The following CHRM5 variants were observed in gnomAD, a reference collection of about 807,000 sequenced individuals.
CHRM5 encodes cholinergic receptor muscarinic 5.
In CHRM5, 18 loss-of-function variants were observed where a neutral mutation model predicts 39.0. The observed-to-expected ratio is 0.46, with a 90% CI of 0.32 to 0.68. CHRM5 has a LOEUF of 0.68. CHRM5 is among the 30% of genes least tolerant of loss of function. The pLI is 0.04. For missense variants in CHRM5, 515 were observed against 651.1 expected, an observed-to-expected ratio of 0.79 and a Z score of 2.28; for synonymous variants, 241 against 246.3, an observed-to-expected ratio of 0.98 and a Z score of 0.20.
chr15:34,063,617 C>T lies in CHRM5; in HGVS notation c.900C>T (p.Leu300=). The T allele has an allele frequency of 6.2e-7, 1 of 1,614,038 alleles. No individual in the cohort carries two copies. The highest frequency in any genetic ancestry group is 1.1e-5 in the South Asian group (1 of 91,084). Residue 300 remains leucine (L), a synonymous_variant, in exon 3 of 3, where the codon CTC becomes CTT. Coordinates refer to ENST00000383263, the MANE Select transcript of CHRM5 (RefSeq NM_012125.4). The surrounding 1 kb of genome is among the most constrained non-coding windows in gnomAD (Gnocchi z 4.1). ...CCAATTGGGCCAAAGCTGAGCAGCT[C>T]ACCACCTGTAGCAGCTACCCTTCCT... is the stretch of plus-strand genomic sequence containing the variant. ...PSANWAKAEQ[L]TTCSSYPSSE... is the part of the protein sequence containing the mutation.
chr15:34,021,840 C>T (rs5016373), intron 1 of CHRM5, among the ~76,000 whole-genome samples: 72,397 of 151,702 alleles, frequency 0.48, 20,659 homozygotes, highest in Non-Finnish European at 0.64. Flanking sequence ...GGGTGGACAG[C>T]GCAAGACTCC....
intron 1 of CHRM5, among the ~76,000 whole-genome samples, chr15:34,008,439 G>A (rs1220101692): frequency 1.4e-5 from 2 of 141,908 alleles, no homozygotes; most frequent in Non-Finnish European, 3.0e-5. Context: ...AAAAAAAAAA[G>A]AAGAAAAATA....
chr15:34,037,334 A>T (rs1027289644), intron 1 of CHRM5, among the ~76,000 whole-genome samples: 1 of 152,012 alleles, frequency 6.6e-6, no homozygotes, highest in African/African-American at 2.4e-5. Context: ...ATAAAGTGGT[A>T]ACTGGTTCAC....
intron 1 of CHRM5, among the ~76,000 whole-genome samples, chr15:34,041,785 T>C (rs1899485145): frequency 6.6e-6 from 1 of 152,174 alleles, no homozygotes; most frequent in Non-Finnish European, 1.5e-5. Context: ...ATTTTACAGA[T>C]AAGAAAACTG....
chr15:33,980,562 A>G (rs1896092125), intron 1 of CHRM5, among the ~76,000 whole-genome samples: 2 of 152,112 alleles, frequency 1.3e-5, no homozygotes, highest in African/African-American at 4.8e-5. Flanking sequence ...ATCCTGGGAG[A>G]TCAGGCAAAA....
chr15:34,049,951 A>C (rs1424092179), intron 2 of CHRM5, among the ~76,000 whole-genome samples: 1 of 150,658 alleles, frequency 6.6e-6, no homozygotes, highest in Admixed American at 6.6e-5. Context: ...GCAGTGGCAC[A>C]ATCTCAGCTC....
intron 1 of CHRM5, among the ~76,000 whole-genome samples, chr15:34,037,178 G>T (rs1406466229): frequency 6.6e-6 from 1 of 151,290 alleles, no homozygotes; most frequent in Non-Finnish European, 1.5e-5. Context: ...CAAAACAGAA[G>T]CACCTTCACT....
chr15:34,059,781 G>A (rs1238177514), intron 2 of CHRM5, among the ~76,000 whole-genome samples: 1 of 152,186 alleles, frequency 6.6e-6, no homozygotes, highest in African/African-American at 2.4e-5. Flanking sequence ...TCCTCAGGAA[G>A]TGCTTCCCAT....
Position 33,969,052 on chromosome 15 carries a change from T to C in CHRM5, c.-506T>C, listed in dbSNP as rs542122269. The C allele has an allele frequency of 6.6e-6, 1 of 152,028 alleles. No homozygotes were observed. Among genetic ancestry groups the C allele is most frequent in the South Asian group, 2.1e-4 (1 of 4,818 alleles). The allele number at this position is 152,028 out of a possible 1,614,324, so 9.4% of individuals were successfully genotyped here. A position where few individuals can be genotyped will look rare whatever the true frequency, so the allele number is the denominator to read the frequency against. ...TGCAAGAAATAAAACACTGGCAAAATAAAACATGAAAGGAAAGTAGAGAAG... is the reference window on the plus strand; with the variant it reads ...TGCAAGAAATAAAACACTGGCAAAACAAAACATGAAAGGAAAGTAGAGAAG... On this transcript the variant is annotated 5_prime_UTR_variant, in exon 1 of 3. It removes the in-frame stop codon of an upstream open reading frame in the 5' UTR. Transcript: ENST00000383263.
intron 1 of CHRM5, chr15:33,991,045 A>G (rs1373263765): frequency 6.6e-6 from 1 of 152,242 alleles, no homozygotes; most frequent in African/African-American, 2.4e-5. Flanking sequence ...ATCCATTCAT[A>G]TGAAAGGCTT....
intron 1 of CHRM5, among the ~76,000 whole-genome samples, chr15:34,000,705 C>G (rs1597333511): frequency 6.6e-6 from 1 of 152,016 alleles, no homozygotes; most frequent in African/African-American, 2.4e-5. Flanking sequence ...AATATAGCAC[C>G]AAAACACTGA....
At chr15:34,025,611 A>C (rs1251453678) in intron 1 of CHRM5, among the ~76,000 whole-genome samples, 1 of 152,230 alleles carries the variant, frequency 6.6e-6, no homozygotes. Flanking sequence ...TGATTTTGAT[A>C]ATTGTGCAAT....
chr15:34,038,990 C>T, intron 1 of CHRM5: 1 of 1,116,390 alleles, frequency 9.0e-7, no homozygotes, highest in Non-Finnish European at 1.1e-6. Flanking sequence ...CTCCGCCAGG[C>T]CGGCCGCGGC....
chr15:34,010,900 T>C (rs1471672509), intron 1 of CHRM5, among the ~76,000 whole-genome samples: 1 of 152,240 alleles, frequency 6.6e-6, no homozygotes, highest in Non-Finnish European at 1.5e-5. Context: ...ATTTTTATCT[T>C]ATATAATCAT....
intron 1 of CHRM5, among the ~76,000 whole-genome samples, chr15:34,028,601 T>C (rs1217356052): frequency 6.6e-6 from 1 of 152,114 alleles, no homozygotes; most frequent in Non-Finnish European, 1.5e-5. Flanking sequence ...AAGAAGACCC[T>C]GAATGAGAGA....
intron 1 of CHRM5, among the ~76,000 whole-genome samples, chr15:33,976,851 G>A (rs1455637387): frequency 6.6e-6 from 1 of 152,032 alleles, no homozygotes; most frequent in Non-Finnish European, 1.5e-5. Flanking sequence ...AGAAACATAA[G>A]CTACTTTATT....
intron 1 of CHRM5, among the ~76,000 whole-genome samples, chr15:34,033,954 A>G (rs1898985276): frequency 1.3e-5 from 2 of 152,122 alleles, no homozygotes; most frequent in Admixed American, 1.3e-4. Context: ...TGCCCAGCTA[A>G]CTTTTGTATC....
chr15:33,971,604 T>C (rs1319142372), intron 1 of CHRM5, among the ~76,000 whole-genome samples: 2 of 152,046 alleles, frequency 1.3e-5, no homozygotes, highest in African/African-American at 2.4e-5. Context: ...CTAAAATTCA[T>C]TTTTCTGTGT....
Position 33,995,949 on chromosome 15 carries a change from G to A in CHRM5, c.-408+26799G>A, listed in dbSNP as rs547933548. 4.6e-5 allele frequency among the ~76,000 whole-genome samples: 7 copies of A among 152,334 alleles called. No individual in the cohort carries two copies. In the East Asian group the frequency reaches 1.2e-3, roughly 25 times the overall value. ...TAGCCAAGGGAAGCCATGACAGACT[G>A]TACCTGGAAAATCTGGACACTTCCG... On this transcript the variant is annotated intron_variant, in intron 1 of 2. Coordinates refer to ENST00000383263, the MANE Select transcript of CHRM5 (RefSeq NM_012125.4).
Sources: allele counts gnomAD v4.1 joint callset (sites outside exome capture counted in the v4.1 genomes callset), GRCh38; gene constraint gnomAD v4.1.1; non-coding constraint Gnocchi (gnomAD v3.1); transcripts MANE v1.5; gene names NCBI Gene and HGNC (gene_info 2026-07-23, HGNC 2026-07-21).